PATJ: variants seen among roughly 807,000 people sequenced by gnomAD.
PATJ encodes the protein PATJ crumbs cell polarity complex component, also known as inaD-like protein.
A neutral mutation model predicts 224.9 loss-of-function variants in PATJ; 190 were observed. That is an observed-to-expected ratio of 0.84 (90% CI 0.75 to 0.95). The LOEUF (loss-of-function observed/expected upper bound fraction) is 0.95, where lower values mean the gene tolerates loss of function less well. PATJ is among the 40% of genes least tolerant of loss of function. PATJ has a pLI of 0.00. For synonymous variants in PATJ, 769 were observed against 820.3 expected (o/e 0.94, Z 1.07); for missense variants, 2,121 against 2,270.3 (o/e 0.93, Z 1.34).
chr1:61,758,420 C>G (rs943422524), intron 1 of PATJ, among the ~76,000 whole-genome samples: 1 of 152,116 alleles, frequency 6.6e-6, no homozygotes, highest in East Asian at 1.9e-4. Context: ...ATGATCTTGG[C>G]TCACTGCAAC....
At chr1:62,147,758 C>T (rs1668194869) in intron 41 of PATJ, among the ~76,000 whole-genome samples, 1 of 151,304 alleles carries the variant, frequency 6.6e-6, no homozygotes, top group Non-Finnish European at 1.5e-5. Context: ...GAGATCGTGC[C>T]ACTGCACTCC....
chr1:62,115,780 T>C (rs1056632456), intron 35 of PATJ, among the ~76,000 whole-genome samples: 6 of 151,802 alleles, frequency 4.0e-5, no homozygotes, highest in Non-Finnish European at 2.9e-5. Flanking sequence ...GCCTAGTGTC[T>C]GTCCAGCAGG....
intron 41 of PATJ, among the ~76,000 whole-genome samples, chr1:62,131,309 T>TAC (rs1398060838): frequency 6.6e-6 from 1 of 152,118 alleles, no homozygotes; most frequent in Admixed American, 6.6e-5. Flanking sequence ...CTAGAGGCAG[T>TAC]ACAGTGCAGC....
At chr1:61,911,172 C>T (rs1672578837) in intron 25 of PATJ, among the ~76,000 whole-genome samples, 1 of 152,082 alleles carries the variant, frequency 6.6e-6, no homozygotes, top group Non-Finnish European at 1.5e-5. Context: ...GCCTTAGGAG[C>T]ATCACCAGTA....
At position 62,088,330 on chromosome 1, in the gene PATJ, C is replaced by T. The variant is rs143606074; in HGVS notation, c.4377+3682C>T. 3.2e-3 allele frequency among the ~76,000 whole-genome samples: 486 copies of T among 152,270 alleles called. 1 individual carries two copies. The highest frequency in any genetic ancestry group is 0.011 in the African/African-American group (461 of 41,554). On this transcript the variant is annotated intron_variant, in intron 33 of 43. Transcript: ENST00000642238. ...CATAGGACCAGACCAGACCATCGTT[C>T]CCCAAACCTACATATGCACTCCAGC... is the stretch of plus-strand genomic sequence containing the variant.
intron 22 of PATJ, among the ~76,000 whole-genome samples, chr1:61,897,763 G>A (rs967060442): frequency 6.6e-6 from 1 of 151,632 alleles, no homozygotes; most frequent in East Asian, 1.9e-4. Context: ...GCTGGGCATA[G>A]TGCCACCTAG....
At chr1:61,753,463 A>C (rs544125224) in intron 1 of PATJ, among the ~76,000 whole-genome samples, 2 of 152,186 alleles carry the variant, frequency 1.3e-5, no homozygotes, top group Non-Finnish European at 2.9e-5. Context: ...CTGGGAGCTC[A>C]AAAAGTGTTT....
chr1:61,860,198 C>A (rs1245249075), intron 18 of PATJ, among the ~76,000 whole-genome samples: 1 of 151,794 alleles, frequency 6.6e-6, no homozygotes, highest in Non-Finnish European at 1.5e-5. Flanking sequence ...ATATCAGACC[C>A]CAAAAATGAA....
At chr1:62,021,546 A>G (rs1647082523) in intron 29 of PATJ, among the ~76,000 whole-genome samples, 1 of 152,024 alleles carries the variant, frequency 6.6e-6, no homozygotes, top group African/African-American at 2.4e-5. Flanking sequence ...TCCAAAATCA[A>G]CAATTATAGT....
chr1:61,947,667 C>A (rs989822614), intron 27 of PATJ, among the ~76,000 whole-genome samples: 3 of 152,120 alleles, frequency 2.0e-5, no homozygotes, highest in African/African-American at 7.2e-5. Flanking sequence ...TGAATGCCAT[C>A]CCCATGAGGC....
At chr1:61,903,083 C>A (rs559872006) in intron 24 of PATJ, among the ~76,000 whole-genome samples, 2 of 152,262 alleles carry the variant, frequency 1.3e-5, no homozygotes, top group East Asian at 3.9e-4. Flanking sequence ...ATCCTGAAAG[C>A]TCTGGAAGGT....
chr1:62,024,569 C>CT (rs963132934), intron 29 of PATJ, among the ~76,000 whole-genome samples: 1 of 151,474 alleles, frequency 6.6e-6, no homozygotes, highest in East Asian at 1.9e-4. Context: ...CATGAGCTTG[C>CT]TTTTTTTCTT....
intron 13 of PATJ, 27 bp downstream of exon 13, chr1:61,805,551 C>T (rs1385565606): frequency 1.5e-6 from 2 of 1,303,678 alleles, no homozygotes; most frequent in Admixed American, 1.7e-5. Flanking sequence ...TAATAAAAAA[C>T]ATTCATGTCT....
chr1:61,896,114 T>A (rs1299499430), intron 22 of PATJ, among the ~76,000 whole-genome samples: 1 of 152,136 alleles, frequency 6.6e-6, no homozygotes, highest in Non-Finnish European at 1.5e-5. Flanking sequence ...CTGACCATCA[T>A]GGTGAAACCC....
At chr1:61,951,131 C>G (rs1207411081) in intron 27 of PATJ, among the ~76,000 whole-genome samples, 2 of 150,210 alleles carry the variant, frequency 1.3e-5, no homozygotes, top group Non-Finnish European at 3.0e-5. Context: ...GGCAACAGAG[C>G]TGTCTAAAAA....
intron 3 of PATJ, among the ~76,000 whole-genome samples, chr1:61,763,642 A>AT: frequency 6.6e-6 from 1 of 152,258 alleles, no homozygotes; most frequent in South Asian, 2.1e-4. Flanking sequence ...AAACTATAAA[A>AT]TAGTGCTTAA....
In PATJ at chr1:62,079,502, C is replaced by A. The variant is rs746418695; in HGVS notation, c.4178C>A (p.Ser1393Ter). Residue 1393 changes from serine (S) to a stop codon, truncating the protein, a stop_gained, in exon 32 of 44, where the codon TCA becomes TAA. Coordinates refer to ENST00000642238, the MANE Select transcript of PATJ (RefSeq NM_001350145.3). LOFTEE classifies it high-confidence loss of function. ...TATCCAACAAAAGTCTCCTTCAGTTCACAAGAGATACCATTAGCACCAGCT... is the reference window on the plus strand; with the variant it reads ...TATCCAACAAAAGTCTCCTTCAGTTAACAAGAGATACCATTAGCACCAGCT... ...QKYPTKVSFS[S>*]QEIPLAPASS... The A allele has an allele frequency of 1.9e-6, 3 of 1,614,002 alleles. No homozygotes were observed. Among genetic ancestry groups the A allele is most frequent in the Non-Finnish European group, 2.5e-6 (3 of 1,179,860 alleles).
chr1:61,889,384 A>G (rs910962988), intron 22 of PATJ, among the ~76,000 whole-genome samples: 1 of 152,162 alleles, frequency 6.6e-6, no homozygotes. Context: ...CAGGCAGGGT[A>G]TAATTCTGTG....
intron 32 of PATJ, among the ~76,000 whole-genome samples, chr1:62,083,016 T>A (rs1659475385): frequency 2.0e-5 from 3 of 152,200 alleles, no homozygotes; most frequent in South Asian, 2.1e-4. Flanking sequence ...TCAGAAAATA[T>A]GACATTCTCT....
Sources: allele counts gnomAD v4.1 joint callset (sites outside exome capture counted in the v4.1 genomes callset), GRCh38; gene constraint gnomAD v4.1.1; transcripts MANE v1.5; gene names NCBI Gene and HGNC (gene_info 2026-07-23, HGNC 2026-07-21).